The following GABRG3 variants were observed in gnomAD, a reference collection of about 807,000 sequenced individuals.
The protein encoded by GABRG3 is gamma-aminobutyric acid receptor subunit gamma-3.
GABRG3 carries 25 observed loss-of-function variants against 48.8 expected under a neutral mutation model. The observed-to-expected ratio is 0.51, with a 90% CI of 0.37 to 0.72. The LOEUF is 0.72. Among genes scored for constraint, GABRG3 ranks in the 30% least tolerant of loss-of-function variants. The pLI is 0.00. For missense variants in GABRG3, 394 were observed against 577.9 expected, an observed-to-expected ratio of 0.68 and a Z score of 3.26; for synonymous variants, 227 against 217.6, an observed-to-expected ratio of 1.04 and a Z score of -0.38.
intron 3 of GABRG3, among the ~76,000 whole-genome samples, chr15:27,232,932 G>A (rs916125170): frequency 1.3e-5 from 2 of 152,180 alleles, no homozygotes; most frequent in African/African-American, 4.8e-5. Context: ...CATTCCCTCG[G>A]AGGCTGTGGT....
At chr15:27,078,335 C>T (rs754491054) in intron 3 of GABRG3, among the ~76,000 whole-genome samples, 14 of 152,184 alleles carry the variant, frequency 9.2e-5, no homozygotes, top group Non-Finnish European at 1.3e-4. Flanking sequence ...CTCTCTTTCT[C>T]GACATCCTTT....
intron 5 of GABRG3, among the ~76,000 whole-genome samples, chr15:27,334,483 A>G (rs1392383906): frequency 1.3e-5 from 2 of 152,196 alleles, no homozygotes; most frequent in African/African-American, 4.8e-5. Flanking sequence ...CTTTAATTAA[A>G]CTTTCAACAG....
rs61461156 is a variant in GABRG3, at chr15:27,430,989, CAATAAATAAATAAATA to C, written c.575-49625_575-49610del. Among the ~76,000 whole-genome samples, 125 of 141,212 alleles carry C rather than the reference CAATAAATAAATAAATA, an allele frequency of 8.9e-4. 1 individual carries two copies. The highest frequency in any genetic ancestry group is 5.1e-3 in the Admixed American group (71 of 13,860). 92.6% of individuals were successfully genotyped at this position (141,212 alleles called of 152,430 possible). On this transcript the variant is annotated intron_variant, in intron 5 of 9. Coordinates refer to ENST00000615808, the MANE Select transcript of GABRG3 (RefSeq NM_033223.5). ...TGGGTGACAGAGCAAGTCCCTGTCT[CAATAAATAAATAAATA>C]AATAAATAAATAAATAAATAAATAA...
At chr15:27,470,394 T>A (rs1889751217) in intron 5 of GABRG3, among the ~76,000 whole-genome samples, 1 of 151,944 alleles carries the variant, frequency 6.6e-6, no homozygotes, top group South Asian at 2.1e-4. Context: ...CAGCTATTTT[T>A]TTTTTAAATT....
intron 3 of GABRG3, among the ~76,000 whole-genome samples, chr15:27,032,831 G>GT (rs11400465): frequency 0.19 from 29,600 of 152,078 alleles, 3,101 homozygotes; most frequent in Middle Eastern, 0.22. Flanking sequence ...GCATTGAGTG[G>GT]TTTTTCCCTT....
At chr15:27,307,741 A>G (rs1163204800) in intron 3 of GABRG3, among the ~76,000 whole-genome samples, 1 of 129,358 alleles carries the variant, frequency 7.7e-6, no homozygotes, top group Non-Finnish European at 1.6e-5. Context: ...ATATAATCAT[A>G]GGTTTATATA....
chr15:27,482,652 A>G (rs200094319), intron 6 of GABRG3, among the ~76,000 whole-genome samples: 1 of 151,680 alleles, frequency 6.6e-6, no homozygotes, highest in African/African-American at 2.4e-5. Context: ...TTTTCCAAGA[A>G]TAAAGCATTT....
chr15:27,329,153 T>C (rs1893720118), intron 5 of GABRG3, among the ~76,000 whole-genome samples: 1 of 152,232 alleles, frequency 6.6e-6, no homozygotes, highest in African/African-American at 2.4e-5. Context: ...GAACCATTGA[T>C]TTACCAAAGA....
chr15:27,304,385 A>G (rs909041278), intron 3 of GABRG3, among the ~76,000 whole-genome samples: 3 of 152,068 alleles, frequency 2.0e-5, no homozygotes, highest in African/African-American at 7.2e-5. Flanking sequence ...AGCACTCATT[A>G]TTAATCAGGT....
At chr15:27,159,807 A>G (rs1774253093) in intron 3 of GABRG3, among the ~76,000 whole-genome samples, 1 of 152,148 alleles carries the variant, frequency 6.6e-6, no homozygotes, top group South Asian at 2.1e-4. Context: ...TGACCTGCTT[A>G]CCTTATGGGG....
At chr15:27,169,831 A>G (rs940409046) in intron 3 of GABRG3, among the ~76,000 whole-genome samples, 2 of 152,184 alleles carry the variant, frequency 1.3e-5, no homozygotes, top group African/African-American at 4.8e-5. Context: ...AAGACATTAC[A>G]CAGAGGAAAG....
intron 3 of GABRG3, among the ~76,000 whole-genome samples, chr15:27,055,590 A>G (rs771996096): frequency 1.8e-4 from 28 of 152,240 alleles, no homozygotes; most frequent in Non-Finnish European, 3.5e-4. Flanking sequence ...CAGCGTTCCC[A>G]TAGGAATAAT....
intron 6 of GABRG3, among the ~76,000 whole-genome samples, chr15:27,502,104 C>T (rs141023770): frequency 9.2e-4 from 140 of 152,136 alleles, no homozygotes; most frequent in African/African-American, 2.6e-3. Flanking sequence ...AATGTGTAGA[C>T]AATAAAAATT....
chr15:27,074,642 CT>C (rs879765295), intron 3 of GABRG3, among the ~76,000 whole-genome samples: 9,228 of 142,822 alleles, frequency 0.065, 788 homozygotes, highest in African/African-American at 0.2. Context: ...ATAGCATTTA[CT>C]TTTTTTTTTT....
chr15:27,353,987 C>T (rs2140539620), intron 5 of GABRG3, among the ~76,000 whole-genome samples: 1 of 152,212 alleles, frequency 6.6e-6, no homozygotes, highest in Non-Finnish European at 1.5e-5. Flanking sequence ...CAATGCCTGG[C>T]TCTGTAAGGG....
chr15:27,508,298 T>C (rs551183801), intron 6 of GABRG3, among the ~76,000 whole-genome samples: 2 of 152,340 alleles, frequency 1.3e-5, no homozygotes, highest in East Asian at 3.9e-4. Flanking sequence ...TTTAGACTTA[T>C]TGTGTATAAC....
rs554080474 is a variant in GABRG3, at chr15:26,976,340, G to A, written c.54-662G>A. On this transcript the variant is annotated intron_variant, in intron 1 of 9. Coordinates refer to ENST00000615808, the MANE Select transcript of GABRG3 (RefSeq NM_033223.5). The surrounding 1 kb of genome is among the most constrained non-coding windows in gnomAD (Gnocchi z 7.8). Reference sequence around the variant, plus strand: ...TTCTTCATGTCTGTGTTAGCCTGCTGTGCAGGAGATGAATCAGTTTGTGTT... The same window carrying A: ...TTCTTCATGTCTGTGTTAGCCTGCTATGCAGGAGATGAATCAGTTTGTGTT... Among the ~76,000 whole-genome samples the A allele has an allele frequency of 6.6e-6, 1 of 152,222 alleles. No homozygotes were observed. The highest frequency in any genetic ancestry group is 1.5e-5 in the Non-Finnish European group (1 of 68,036).
At chr15:26,973,046 G>C (rs1894875272) in intron 1 of GABRG3, among the ~76,000 whole-genome samples, 1 of 152,170 alleles carries the variant, frequency 6.6e-6, no homozygotes, top group South Asian at 2.1e-4. Flanking sequence ...ACAGCACCGG[G>C]CATAACGCTG....
intron 5 of GABRG3, among the ~76,000 whole-genome samples, chr15:27,417,175 T>C (rs1887963982): frequency 6.6e-6 from 1 of 152,046 alleles, no homozygotes; most frequent in African/African-American, 2.4e-5. Context: ...GCTAATTATC[T>C]TAAAGTTGAG....
Sources: allele counts gnomAD v4.1 joint callset (sites outside exome capture counted in the v4.1 genomes callset), GRCh38; gene constraint gnomAD v4.1.1; non-coding constraint Gnocchi (gnomAD v3.1); transcripts MANE v1.5; gene names NCBI Gene and HGNC (gene_info 2026-07-23, HGNC 2026-07-21).